Variants in C2CD2 observed in about 807,000 individuals in gnomAD.
The protein encoded by C2CD2 is C2 domain-containing protein 2.
A neutral mutation model predicts 74.3 loss-of-function variants in C2CD2; 43 were observed. That is an observed-to-expected ratio of 0.58 (90% confidence interval 0.45 to 0.75). The LOEUF (loss-of-function observed/expected upper bound fraction) is 0.75, where lower values mean the gene tolerates loss of function less well. Ranked by LOEUF, C2CD2 falls within the 30% of genes least tolerant of loss-of-function variation. The probability of loss-of-function intolerance (pLI) is 0.00; values close to 1 mark genes in which losing one functional copy is unlikely to be tolerated. For missense variants in C2CD2, 801 were observed against 916.3 expected (o/e 0.87, Z 1.63); for synonymous variants, 422 against 390.7 (o/e 1.08, Z -0.94).
rs995230705 is a variant in C2CD2 at position 41,899,517 on chromosome 21, G to A, written c.1561-155C>T. Reference sequence around the variant, plus strand: ...CTCATAGAAGGCGCTTATACATCACGGCCGTTGCTCATGCTTGGGTTAAAA... The same window carrying A: ...CTCATAGAAGGCGCTTATACATCACAGCCGTTGCTCATGCTTGGGTTAAAA... On this transcript the variant is annotated intron_variant, in intron 12 of 13. Coordinates refer to ENST00000380486, the MANE Select transcript of C2CD2 (RefSeq NM_015500.2). This position sits in a 1 kb window ranked among gnomAD's most constrained non-coding sequence, Gnocchi z 4.4. Among the ~76,000 whole-genome samples the A allele has an allele frequency of 3.3e-5, 5 of 152,152 alleles. No homozygotes were observed. The highest frequency in any genetic ancestry group is 7.4e-5 in the Non-Finnish European group (5 of 68,020).
chr21:41,898,664 CAA>C (rs949839067), intron 13 of C2CD2, among the ~76,000 whole-genome samples: 2 of 152,156 alleles, frequency 1.3e-5, no homozygotes, highest in African/African-American at 4.8e-5. Context: ...CACAAAGGAG[CAA>C]AGATGTCCAT....
At chr21:41,948,230 C>T (rs1366092022) in intron 1 of C2CD2, among the ~76,000 whole-genome samples, 1 of 152,218 alleles carries the variant, frequency 6.6e-6, no homozygotes, top group Non-Finnish European at 1.5e-5. Flanking sequence ...ACTGTTTCTC[C>T]TCCTCCAGAG....
Position 41,929,018 on chromosome 21 carries a change from G to A in C2CD2, c.379-6933C>T, listed in dbSNP as rs190639643. ...TAATCTCAGCACTTTGGGAGGCCAA[G>A]GCAAGAGGATCACTTGAGTCCATGA... On this transcript the variant is annotated intron_variant, in intron 2 of 13. Transcript: ENST00000380486. This position sits in a 1 kb window ranked among gnomAD's most constrained non-coding sequence, Gnocchi z 4.6. Among the ~76,000 whole-genome samples the A allele has an allele frequency of 6.6e-6, 1 of 151,618 alleles. No homozygotes were observed. The highest frequency in any genetic ancestry group is 2.4e-5 in the African/African-American group (1 of 41,234).
intron 13 of C2CD2, among the ~76,000 whole-genome samples, chr21:41,898,069 G>A (rs996763693): frequency 3.3e-4 from 50 of 152,342 alleles, no homozygotes; most frequent in African/African-American, 6.5e-4. Flanking sequence ...AAAAGGCAGC[G>A]ACAGCAGCGC....
Position 41,914,831 on chromosome 21 carries a change from G to A in C2CD2, c.721-110C>T, listed in dbSNP as rs111340260. The A allele has an allele frequency of 1.6e-4, 142 of 892,110 alleles. No homozygotes were observed. The African/African-American group carries it at 2.1e-3, about 13-fold the overall frequency. The allele number at this position is 892,110 out of a possible 1,614,324, so 55.3% of individuals were successfully genotyped here. A position where few individuals can be genotyped will look rare whatever the true frequency, so the allele number is the denominator to read the frequency against. On this transcript the variant is annotated intron_variant, in intron 5 of 13. Coordinates refer to ENST00000380486, the MANE Select transcript of C2CD2 (RefSeq NM_015500.2). ...GGGTGGTGGCAGTGGGGTGTCTACA[G>A]GAAAACCTGCACAGGGAGCCCGAGC...
At chr21:41,893,698 CTTTTTTTTT>C (rs60305027) in intron 13 of C2CD2, among the ~76,000 whole-genome samples, 1 of 122,090 alleles carries the variant, frequency 8.2e-6, no homozygotes, top group Non-Finnish European at 1.7e-5. Context: ...TGTTAAATTT[CTTTTTTTTT>C]TTTTTTTTTT....
intron 2 of C2CD2, among the ~76,000 whole-genome samples, chr21:41,935,207 T>A (rs1353390102): frequency 6.6e-6 from 1 of 152,202 alleles, no homozygotes; most frequent in African/African-American, 2.4e-5. Context: ...CTCTTATGTG[T>A]TCATTCATTA....
Position 41,914,497 on chromosome 21 carries a change from G to A in C2CD2, c.844+101C>T, listed in dbSNP as rs1252698622. On this transcript the variant is annotated intron_variant, in intron 6 of 13. Transcript: ENST00000380486. ...GGCAGGGCTCCCGCTGCACCCCCACGGGAGGATGCCACCAGAGAATCCAAG... is the reference window on the plus strand; with the variant it reads ...GGCAGGGCTCCCGCTGCACCCCCACAGGAGGATGCCACCAGAGAATCCAAG... The A allele has an allele frequency of 1.6e-5, 16 of 999,516 alleles. No homozygotes were observed. In the Admixed American group the frequency reaches 1.7e-4, roughly 10 times the overall value. 61.9% of individuals were successfully genotyped at this position (999,516 alleles called of 1,614,324 possible).
In C2CD2 at chr21:41,892,939, G is replaced by A. The variant is rs2064773286; in HGVS notation, c.1871-3595C>T. ...CAGGGCCCGGTGCCACGCCAGAGAC[G>A]CGCGGTGCGCCCAGGTTAAGAGGGA... On this transcript the variant is annotated intron_variant, in intron 13 of 13. Coordinates refer to ENST00000380486, the MANE Select transcript of C2CD2 (RefSeq NM_015500.2). The surrounding 1 kb of genome is among the most constrained non-coding windows in gnomAD (Gnocchi z 4.6). 6.6e-6 allele frequency among the ~76,000 whole-genome samples: 1 copy of A among 152,254 alleles called. No individual in the cohort carries two copies.
At chr21:41,928,268 A>T (rs1328653162) in intron 2 of C2CD2, among the ~76,000 whole-genome samples, 2 of 152,058 alleles carry the variant, frequency 1.3e-5, no homozygotes, top group African/African-American at 2.4e-5. Context: ...CAGGTCTTTC[A>T]CTCTGTTTCC....
chr21:41,935,126 G>A (rs1361811699), intron 2 of C2CD2, among the ~76,000 whole-genome samples: 2 of 152,100 alleles, frequency 1.3e-5, no homozygotes, highest in African/African-American at 2.4e-5. Flanking sequence ...TCCTGACCTC[G>A]TGATCCACCT....
At chr21:41,925,104 G>A (rs957793455) in intron 2 of C2CD2, among the ~76,000 whole-genome samples, 1 of 152,106 alleles carries the variant, frequency 6.6e-6, no homozygotes, top group African/African-American at 2.4e-5. Flanking sequence ...CCCAACCCTA[G>A]GGCTTCGCTA....
intron 2 of C2CD2, among the ~76,000 whole-genome samples, chr21:41,931,926 TCCAGCATCCCACCA>T (rs2065265495): frequency 8.4e-5 from 1 of 11,870 alleles, no homozygotes; most frequent in Admixed American, 1.1e-3. Flanking sequence ...CCACCCCACC[TCCAGCATCCCACCA>T]CCCCACCTCC....
At chr21:41,910,701 C>G (rs187634776) in intron 7 of C2CD2, among the ~76,000 whole-genome samples, 98 of 152,272 alleles carry the variant, frequency 6.4e-4, no homozygotes, top group African/African-American at 2.3e-3. Flanking sequence ...TACACACACA[C>G]ACACACGGGA....
intron 1 of C2CD2, among the ~76,000 whole-genome samples, chr21:41,943,369 T>C (rs2065371416): frequency 1.3e-5 from 2 of 152,316 alleles, no homozygotes; most frequent in East Asian, 1.9e-4. Context: ...GCCAACGTTT[T>C]ATGACGAAGA....
chr21:41,942,844 G>A (rs914781912), intron 1 of C2CD2: 4 of 371,262 alleles, frequency 1.1e-5, no homozygotes, highest in Admixed American at 6.5e-5. Flanking sequence ...AAATGAACCC[G>A]CCTGGTGGCT....
intron 5 of C2CD2, 119 bp from the exon 6 acceptor site, chr21:41,914,840 G>A: frequency 1.3e-6 from 1 of 782,782 alleles, no homozygotes. Flanking sequence ...AGGAAAACCT[G>A]CACAGGGAGC....
intron 1 of C2CD2, among the ~76,000 whole-genome samples, chr21:41,948,275 C>T (rs1357639008): frequency 6.6e-6 from 1 of 152,188 alleles, no homozygotes; most frequent in East Asian, 1.9e-4. Context: ...CAGGGCCTGC[C>T]CCGAGCCGGC....
At chr21:41,891,409 C>G (rs1250811754) in intron 13 of C2CD2, among the ~76,000 whole-genome samples, 1 of 152,182 alleles carries the variant, frequency 6.6e-6, no homozygotes, top group Admixed American at 6.5e-5. Context: ...CTGGACATGA[C>G]TTTGGAGTTT....
Sources: allele counts gnomAD v4.1 joint callset (sites outside exome capture counted in the v4.1 genomes callset), GRCh38; gene constraint gnomAD v4.1.1; non-coding constraint Gnocchi (gnomAD v3.1); transcripts MANE v1.5; gene names NCBI Gene and HGNC (gene_info 2026-07-23, HGNC 2026-07-21).